SLC39A10: variants seen among roughly 807,000 people sequenced by gnomAD.
SLC39A10 encodes the protein zinc transporter ZIP10.
A neutral mutation model predicts 65.1 loss-of-function variants in SLC39A10; 13 were observed. That is an observed-to-expected ratio of 0.20 (90% CI 0.13 to 0.32). The LOEUF is 0.32. Among genes scored for constraint, SLC39A10 ranks in the 10% least tolerant of loss-of-function variants. The pLI, the probability that SLC39A10 is intolerant of heterozygous loss-of-function variation, is 1.00. For synonymous variants in SLC39A10, 321 were observed against 342.2 expected (o/e 0.94, Z 0.68); for missense variants, 831 against 1,018.4 (o/e 0.82, Z 2.50).
chr2:195,695,289 G>A (rs1324887589), intron 3 of SLC39A10, among the ~76,000 whole-genome samples: 1 of 152,184 alleles, frequency 6.6e-6, no homozygotes, highest in Admixed American at 6.5e-5. Flanking sequence ...CGCTGTGGGG[G>A]ATGGGGATGT....
intron 1 of SLC39A10, among the ~76,000 whole-genome samples, chr2:195,674,239 G>A (rs1689989778): frequency 1.3e-5 from 2 of 152,116 alleles, no homozygotes; most frequent in South Asian, 4.2e-4. Flanking sequence ...TTAGGTTGTA[G>A]CAGGCAACAT....
chr2:195,716,806 T>G lies in SLC39A10; in HGVS notation c.1866T>G (p.His622Gln). Residue 622 changes from histidine (H) to glutamine (Q), a missense_variant, in exon 7 of 10, where the codon CAT becomes CAG. Physicochemically the swap from His to Gln is conservative, Grantham distance 24. This residue lies in a region of SLC39A10 where 230 missense variants were observed against 242.9 expected (regional missense o/e 0.95). Transcript: ENST00000359634. The part of the protein sequence containing the change: ...GLHTIHEHDL[H>Q]AAAHNHHGEN... The stretch of plus-strand genomic sequence containing the variant: ...ATACCATTCATGAGCATGATCTCCA[T>G]GCTGCTGCACATAACCACCACGGCG... 1 of 1,614,206 alleles carries G rather than the reference T, an allele frequency of 6.2e-7. No homozygotes were observed. Among genetic ancestry groups the G allele is most frequent in the Non-Finnish European group, 8.5e-7 (1 of 1,180,026 alleles).
At chr2:195,687,127 T>A (rs1690554484) in intron 3 of SLC39A10, among the ~76,000 whole-genome samples, 1 of 152,138 alleles carries the variant, frequency 6.6e-6, no homozygotes, top group East Asian at 1.9e-4. Flanking sequence ...TGCTTATTGA[T>A]CTTGGTGGAT....
At chr2:195,621,554 T>C (rs918607347) in intron 2 of SLC39A10, among the ~76,000 whole-genome samples, 1 of 152,224 alleles carries the variant, frequency 6.6e-6, no homozygotes, top group Non-Finnish European at 1.5e-5. Flanking sequence ...GGATAGGTTG[T>C]CATTTTCCTC....
At chr2:195,689,421 CA>C (rs984362483) in intron 3 of SLC39A10, among the ~76,000 whole-genome samples, 55 of 143,694 alleles carry the variant, frequency 3.8e-4, no homozygotes, top group Non-Finnish European at 3.1e-4. Context: ...GAACCTGTCT[CA>C]AAAAAAAAAG....
chr2:195,718,501 T>C (rs1178547794), intron 8 of SLC39A10, among the ~76,000 whole-genome samples, 169 bp downstream of exon 8: 1 of 152,090 alleles, frequency 6.6e-6, no homozygotes, highest in Non-Finnish European at 1.5e-5. Context: ...AAAAAAATGC[T>C]CCTTAAGATT....
chr2:195,709,237 ATG>A (rs2105815019), intron 5 of SLC39A10, among the ~76,000 whole-genome samples: 2 of 151,168 alleles, frequency 1.3e-5, no homozygotes, highest in East Asian at 3.9e-4. Context: ...GTATGTATGT[ATG>A]TATGTATTTT....
At chr2:195,662,343 A>C (rs369835296) in intron 1 of SLC39A10, among the ~76,000 whole-genome samples, 1 of 150,468 alleles carries the variant, frequency 6.6e-6, no homozygotes, top group African/African-American at 2.5e-5. Flanking sequence ...ATCAGGGCTC[A>C]CTGCAGCCCT....
At chr2:195,668,398 T>C (rs1436801728) in intron 1 of SLC39A10, among the ~76,000 whole-genome samples, 1 of 152,226 alleles carries the variant, frequency 6.6e-6, no homozygotes, top group East Asian at 1.9e-4. Context: ...TAAAACATGG[T>C]ATATTATCCA....
At chr2:195,677,776 G>C (rs1253371392) in intron 1 of SLC39A10, among the ~76,000 whole-genome samples, 2 of 135,260 alleles carry the variant, frequency 1.5e-5, no homozygotes, top group Non-Finnish European at 3.1e-5. Flanking sequence ...TTTGACCAGA[G>C]TCTGTCTCTG....
Position 195,736,472 on chromosome 2 carries a change from A to AAT in SLC39A10, c.*1432_*1433dup, listed in dbSNP as rs1038030320. The AAT allele has an allele frequency of 1.2e-5, 2 of 163,776 alleles. No individual in the cohort carries two copies. Among genetic ancestry groups the AAT allele is most frequent in the African/African-American group, 2.4e-5 (1 of 41,440 alleles). The allele number at this position is 163,776 out of a possible 1,614,324, so 10.1% of individuals were successfully genotyped here. On this transcript the variant is annotated 3_prime_UTR_variant, in exon 10 of 10. Transcript: ENST00000359634. ...TGGCAACCAGTGTAGCTGCTGTAACAATCTATCTTATTGTTCAAATATATA... is the reference window on the plus strand; with the variant it reads ...TGGCAACCAGTGTAGCTGCTGTAACAATATCTATCTTATTGTTCAAATATATA...
chr2:195,622,972 C>CAA (rs11440347), intron 2 of SLC39A10, among the ~76,000 whole-genome samples: 1,840 of 95,924 alleles, frequency 0.019, 70 homozygotes, highest in African/African-American at 0.052. Flanking sequence ...ACTCCTGTCT[C>CAA]AAAAAAAAAA....
Position 195,713,540 on chromosome 2 carries a change from C to G in SLC39A10, c.1683C>G (p.Leu561=), listed in dbSNP as rs778921146. 18 of 1,559,902 alleles carry G rather than the reference C, an allele frequency of 1.2e-5. No homozygotes were observed. In the South Asian group the frequency reaches 1.5e-4, roughly 13 times the overall value. The change falls in exon 6 of 10, where the codon CTC becomes CTG. Residue 561 remains leucine, a synonymous_variant. Coordinates refer to ENST00000359634, the MANE Select transcript of SLC39A10 (RefSeq NM_020342.3). ...NNTPDSDWLQ[L]KPLAGTDDSV... ...CACCAGATTCTGACTGGCTTCAACT[C>G]AAGCCTCTTGCCGGTAGACAGCAAT...
Position 195,717,033 on chromosome 2 carries a change from G to GGA in SLC39A10, c.2065+28_2065+29insGA, listed in dbSNP as rs767638072. 11 of 1,599,820 alleles carry GGA rather than the reference G, an allele frequency of 6.9e-6. No individual in the cohort carries two copies. In the East Asian group the frequency reaches 2.5e-4, roughly 36 times the overall value. ...AAGTGGACTGGAAACCACTGTCTAT[G>GGA]CTAATCTTATGGACTATAATATGTA... On this transcript the variant is annotated intron_variant, in intron 7 of 9. Coordinates refer to ENST00000359634, the MANE Select transcript of SLC39A10 (RefSeq NM_020342.3).
intron 1 of SLC39A10, among the ~76,000 whole-genome samples, chr2:195,665,200 C>T (rs1689589930): frequency 1.3e-5 from 2 of 152,164 alleles, no homozygotes; most frequent in South Asian, 4.1e-4. Context: ...GCCTGTAATC[C>T]CAGCTACTTG....
At chr2:195,656,826 A>C (rs2105718747), upstream of SLC39A10, 1 of 152,380 alleles carries the variant, frequency 6.6e-6, no homozygotes, top group South Asian at 2.1e-4. Flanking sequence ...CCAAGGCCTC[A>C]GCAACCGACG....
intron 1 of SLC39A10, among the ~76,000 whole-genome samples, chr2:195,678,647 C>G (rs1468889633): frequency 6.8e-6 from 1 of 147,798 alleles, no homozygotes; most frequent in African/African-American, 2.5e-5. Context: ...TGTTCTATCT[C>G]GAAGGTCTTA....
upstream of SLC39A10, among the ~76,000 whole-genome samples, chr2:195,653,990 G>A (rs113753522): frequency 3.3e-5 from 5 of 152,290 alleles, no homozygotes; most frequent in African/African-American, 1.2e-4. Flanking sequence ...CCAGGCTGGA[G>A]TGCAATGGCA....
intron 1 of SLC39A10, among the ~76,000 whole-genome samples, chr2:195,670,720 T>C (rs758178834): frequency 2.0e-5 from 3 of 152,326 alleles, no homozygotes; most frequent in East Asian, 1.9e-4. Context: ...TTAGATGTTA[T>C]TGGGAAAAGT....
Sources: allele counts gnomAD v4.1 joint callset (sites outside exome capture counted in the v4.1 genomes callset), GRCh38; gene constraint gnomAD v4.1.1; regional missense constraint gnomAD v4.1.1; transcripts MANE v1.5; gene names NCBI Gene and HGNC (gene_info 2026-07-23, HGNC 2026-07-21).